The following CATSPERE variants were observed in gnomAD, a reference collection of about 807,000 sequenced individuals.
CATSPERE encodes catsper channel auxiliary subunit epsilon.
In CATSPERE, 93 loss-of-function variants were observed where a neutral mutation model predicts 114.1. That is an observed-to-expected ratio of 0.81 (90% CI 0.69 to 0.97). The LOEUF (loss-of-function observed/expected upper bound fraction) is 0.97, where lower values mean the gene tolerates loss of function less well. Among genes scored for constraint, CATSPERE ranks in the 50% least tolerant of loss-of-function variants. The pLI is 0.00. For missense variants in CATSPERE, 1,058 were observed against 1,131.6 expected (o/e 0.93, Z 0.93); for synonymous variants, 341 against 384.1 (o/e 0.89, Z 1.31).
chr1:244,519,024 A>G (rs567813972), intron 8 of CATSPERE, among the ~76,000 whole-genome samples: 13 of 151,954 alleles, frequency 8.6e-5, no homozygotes, highest in Admixed American at 3.9e-4. Context: ...GTACACACAC[A>G]TACACACACA....
rs1389905208 is a variant in CATSPERE, at chr1:244,616,644, T to G, written c.2491-885T>G. Among the ~76,000 whole-genome samples, 3 of 152,188 alleles carry G rather than the reference T, an allele frequency of 2.0e-5. No individual in the cohort carries two copies. In the East Asian group the frequency reaches 5.8e-4, roughly 29 times the overall value. ...ATCCTTTTATAAGGAACCCACTCCG[T>G]GACAACGGCATTATCTCATTGATGA... On this transcript the variant is annotated intron_variant, in intron 19 of 21. Coordinates refer to ENST00000366534, the MANE Select transcript of CATSPERE (RefSeq NM_001130957.2).
At chr1:244,464,677 A>T (rs1054899024) in intron 2 of CATSPERE, among the ~76,000 whole-genome samples, 2 of 148,112 alleles carry the variant, frequency 1.4e-5, no homozygotes, top group Non-Finnish European at 3.0e-5. Context: ...TAAATTTCCT[A>T]TTTTTTTTTT....
Position 244,552,390 on chromosome 1 carries a change from C to A in CATSPERE, c.605C>A (p.Thr202Asn). 6.2e-7 allele frequency: 1 copy of A among 1,614,148 alleles called. No homozygotes were observed. The highest frequency in any genetic ancestry group is 1.1e-5 in the South Asian group (1 of 91,070). ...AAGGAGATTAGAGGAAACCAAGTTA[C>A]TTTTCAGGATTGCTTTATTGCAGAT... ...ALKEIRGNQV[T>N]FQDCFIADFL... The change falls in exon 9 of 22, where the codon ACT (threonine) becomes AAT (asparagine). Residue 202 changes from threonine (T) to asparagine (N), a missense_variant. Transcript: ENST00000366534.
chr1:244,601,821 GT>G (rs2148668160), intron 17 of CATSPERE, among the ~76,000 whole-genome samples: 1 of 152,212 alleles, frequency 6.6e-6, no homozygotes, highest in South Asian at 2.1e-4. Context: ...GGCGTGGGTG[GT>G]GGGCGCCTGT....
Position 244,572,660 on chromosome 1 carries a change from A to G in CATSPERE, c.1838A>G (p.Tyr613Cys), listed in dbSNP as rs1247755957. 1.9e-6 allele frequency: 3 copies of G among 1,614,054 alleles called. No individual in the cohort carries two copies. The South Asian group carries it at 3.3e-5, about 18-fold the overall frequency. ...EALTVWTQIV[Y>C]PENTGLYVIV... The stretch of plus-strand genomic sequence containing the variant: ...CTGACAGTTTGGACTCAGATCGTCT[A>G]TCCAGAAAACACTGGTCTGTATGTT... Residue 613 changes from tyrosine (Y) to cysteine (C), a missense_variant, in exon 11 of 22, where the codon TAT becomes TGT. Tyr to Cys is a radical substitution (Grantham distance 194, BLOSUM62 -2). Coordinates refer to ENST00000366534, the MANE Select transcript of CATSPERE (RefSeq NM_001130957.2).
chr1:244,607,166 C>T lies in CATSPERE; in HGVS notation c.2403+1372C>T, dbSNP rs373218436. ...GACAACCCTTTCCCTACAGTTCTAT[C>T]GAACCAAGAGTACTCTTTCTCTCAC... On this transcript the variant is annotated intron_variant, in intron 18 of 21. Coordinates refer to ENST00000366534, the MANE Select transcript of CATSPERE (RefSeq NM_001130957.2). The surrounding 1 kb of genome is among the most constrained non-coding windows in gnomAD (Gnocchi z 4.4). Among the ~76,000 whole-genome samples the T allele has an allele frequency of 9.2e-5, 14 of 152,274 alleles. No individual in the cohort carries two copies. Among genetic ancestry groups the T allele is most frequent in the Admixed American group, 2.0e-4 (3 of 15,306 alleles).
At chr1:244,570,430 T>C (rs1385886639) in intron 10 of CATSPERE, among the ~76,000 whole-genome samples, 1 of 152,198 alleles carries the variant, frequency 6.6e-6, no homozygotes, top group African/African-American at 2.4e-5. Flanking sequence ...TTTGTCATTA[T>C]TGATTCTTTA....
chr1:244,458,296 T>G (rs1366240720), upstream of CATSPERE, among the ~76,000 whole-genome samples: 2 of 152,216 alleles, frequency 1.3e-5, no homozygotes, highest in African/African-American at 4.8e-5. Context: ...TTCTATAATG[T>G]TATAATTTAG....
intron 8 of CATSPERE, among the ~76,000 whole-genome samples, chr1:244,546,621 AATG>A (rs1659795751): frequency 1.3e-5 from 2 of 152,356 alleles, no homozygotes; most frequent in South Asian, 4.1e-4. Context: ...ACATGATCAG[AATG>A]ATAAATTTAA....
chr1:244,518,609 C>T lies in CATSPERE; in HGVS notation c.447C>T (p.Ser149=). 6.3e-7 allele frequency: 1 copy of T among 1,588,436 alleles called. No homozygotes were observed. Among genetic ancestry groups the T allele is most frequent in the Non-Finnish European group, 8.6e-7 (1 of 1,158,892 alleles). The change falls in exon 8 of 22, where the codon AGC becomes AGT. Residue 149 remains serine (S), a synonymous_variant. Transcript: ENST00000366534. ...TTTTACAGAATTCCATAGTACTCAG[C>T]ACACAGATGGCCACATTGGGACAGA... ...EEPSINSIVL[S]TQMATLGQKP...
rs898201414 is a variant in CATSPERE, at chr1:244,504,555, C to T, written c.429+5476C>T. Among the ~76,000 whole-genome samples, 2 of 152,188 alleles carry T rather than the reference C, an allele frequency of 1.3e-5. No homozygotes were observed. Among genetic ancestry groups the T allele is most frequent in the Non-Finnish European group, 2.9e-5 (2 of 68,030 alleles). On this transcript the variant is annotated intron_variant, in intron 7 of 21. Coordinates refer to ENST00000366534, the MANE Select transcript of CATSPERE (RefSeq NM_001130957.2). The surrounding 1 kb of genome is among the most constrained non-coding windows in gnomAD (Gnocchi z 4.1). Reference sequence around the variant, plus strand: ...CAAATTATATTTAGTTGTCTTGTCTCTTTACGTTCTTAATTGTGACAGTTT... The same window carrying T: ...CAAATTATATTTAGTTGTCTTGTCTTTTTACGTTCTTAATTGTGACAGTTT...
At chr1:244,477,472 C>T in intron 2 of CATSPERE, 69 bp from the exon 3 acceptor site, 2 of 833,996 alleles carry the variant, frequency 2.4e-6, no homozygotes, top group South Asian at 1.6e-5. Flanking sequence ...AAATTGAATC[C>T]TACAACGGAA....
chr1:244,588,321 C>T (rs1259304716), intron 13 of CATSPERE, among the ~76,000 whole-genome samples, 161 bp from the exon 14 acceptor site: 1 of 150,918 alleles, frequency 6.6e-6, no homozygotes, highest in Non-Finnish European at 1.5e-5. Context: ...AAAAAGTGAT[C>T]AAGGAAAGAG....
intron 13 of CATSPERE, among the ~76,000 whole-genome samples, chr1:244,584,489 A>T (rs75407388): frequency 6.6e-6 from 1 of 150,946 alleles, no homozygotes; most frequent in East Asian, 1.9e-4. Context: ...GCATGGAGGG[A>T]TGAAATAGTA....
At chr1:244,585,852 G>T (rs1301995084) in intron 13 of CATSPERE, among the ~76,000 whole-genome samples, 1 of 152,190 alleles carries the variant, frequency 6.6e-6, no homozygotes, top group Admixed American at 6.5e-5. Context: ...CATGCACCAA[G>T]AACTGGAAAT....
rs555967063 is a variant in CATSPERE at position 244,568,604 on chromosome 1, C to T, written c.1508-3726C>T. Among the ~76,000 whole-genome samples the T allele has an allele frequency of 1.2e-4, 18 of 152,308 alleles. No homozygotes were observed. In the South Asian group the frequency reaches 3.5e-3, roughly 30 times the overall value. On this transcript the variant is annotated intron_variant, in intron 10 of 21. Coordinates refer to ENST00000366534, the MANE Select transcript of CATSPERE (RefSeq NM_001130957.2). This position sits in a 1 kb window ranked among gnomAD's most constrained non-coding sequence, Gnocchi z 4.4. ...AGCTGTGCCGAGCTGTGGTGGGCTC[C>T]GCCCAGTTAGAACTTCCTGGCAGCT... is the stretch of plus-strand genomic sequence containing the variant.
upstream of CATSPERE, chr1:244,451,895 C>T (rs961855746): frequency 4.1e-5 from 56 of 1,366,646 alleles, no homozygotes; most frequent in Non-Finnish European, 5.3e-5. This position sits in a 1 kb window ranked among gnomAD's most constrained non-coding sequence, Gnocchi z 6.6. Context: ...CTGCGGCCGC[C>T]AGCCACATGC....
intron 8 of CATSPERE, among the ~76,000 whole-genome samples, chr1:244,538,144 G>A (rs1007112049): frequency 5.3e-5 from 8 of 152,064 alleles, no homozygotes; most frequent in African/African-American, 1.7e-4. Context: ...GCAACATAAT[G>A]AGACCCCCAT....
At chr1:244,538,168 A>G (rs1680655492) in intron 8 of CATSPERE, among the ~76,000 whole-genome samples, 1 of 152,224 alleles carries the variant, frequency 6.6e-6, no homozygotes, top group Non-Finnish European at 1.5e-5. Context: ...TTATTTTTAA[A>G]AAATCTTTTC....
Sources: allele counts gnomAD v4.1 joint callset (sites outside exome capture counted in the v4.1 genomes callset), GRCh38; gene constraint gnomAD v4.1.1; non-coding constraint Gnocchi (gnomAD v3.1); transcripts MANE v1.5; gene names NCBI Gene and HGNC (gene_info 2026-07-23, HGNC 2026-07-21).